MCPH1: variants seen among roughly 807,000 people sequenced by gnomAD.
MCPH1 encodes microcephalin.
Under a neutral mutation model 84.5 loss-of-function variants are expected in MCPH1, and 104 were observed. The observed-to-expected ratio is 1.23, with a 90% CI of 1.05 to 1.45. The LOEUF is 1.45. Among genes scored for constraint, MCPH1 ranks in the 40% most tolerant of loss-of-function variants. MCPH1 has a pLI of 0.00. For missense variants in MCPH1, 1,498 were observed against 1,005.7 expected, an observed-to-expected ratio of 1.49 and a Z score of -6.62; for synonymous variants, 514 against 366.8, an observed-to-expected ratio of 1.40 and a Z score of -4.58.
At chr8:6,535,666 T>A (rs1397729356) in intron 12 of MCPH1, among the ~76,000 whole-genome samples, 1 of 152,234 alleles carries the variant, frequency 6.6e-6, no homozygotes, top group African/African-American at 2.4e-5. Flanking sequence ...TGTGTGATAC[T>A]GACTGCATTG....
chr8:6,631,763 T>C (rs1276202650), intron 13 of MCPH1, among the ~76,000 whole-genome samples: 2 of 152,000 alleles, frequency 1.3e-5, no homozygotes, highest in African/African-American at 2.4e-5. Flanking sequence ...GTAGCCACGA[T>C]AGAAAACAGT....
chr8:6,411,851 A>G (rs992265645), intron 2 of MCPH1, among the ~76,000 whole-genome samples: 1 of 152,166 alleles, frequency 6.6e-6, no homozygotes, highest in Non-Finnish European at 1.5e-5. Context: ...ATGTCTTAGA[A>G]CTTAACCCCC....
intron 3 of MCPH1, among the ~76,000 whole-genome samples, chr8:6,422,009 C>A (rs1800276670): frequency 6.6e-6 from 1 of 152,244 alleles, no homozygotes; most frequent in African/African-American, 2.4e-5. Flanking sequence ...AGAAGAGCTT[C>A]CTCTGTCCCC....
intron 12 of MCPH1, among the ~76,000 whole-genome samples, chr8:6,546,958 G>C (rs1391141428): frequency 6.6e-6 from 1 of 152,190 alleles, no homozygotes; most frequent in African/African-American, 2.4e-5. Flanking sequence ...TTGCAAGCTG[G>C]CTGGTTAGTC....
intron 12 of MCPH1, among the ~76,000 whole-genome samples, chr8:6,523,118 C>G (rs1817674909): frequency 6.6e-6 from 1 of 152,042 alleles, no homozygotes; most frequent in Admixed American, 6.5e-5. Flanking sequence ...CTGCCTCAGT[C>G]TCCCGAGTAG....
intron 12 of MCPH1, among the ~76,000 whole-genome samples, chr8:6,505,262 T>A (rs1165906503): frequency 0.018 from 421 of 23,306 alleles, 78 homozygotes; most frequent in African/African-American, 0.05. Context: ...TATATATGTT[T>A]TATATATATG....
intron 12 of MCPH1, among the ~76,000 whole-genome samples, chr8:6,600,735 G>C (rs1265504489): frequency 6.6e-6 from 1 of 152,218 alleles, no homozygotes; most frequent in African/African-American, 2.4e-5. Context: ...ACCTCTGTGA[G>C]GGTTGTGGCA....
intron 12 of MCPH1, among the ~76,000 whole-genome samples, chr8:6,547,220 T>C (rs2442593): frequency 0.99 from 151,241 of 152,122 alleles, 75,189 homozygotes; most frequent in Middle Eastern, 1. Flanking sequence ...TACAGAAAAG[T>C]CAAATTTACT....
intron 9 of MCPH1, among the ~76,000 whole-genome samples, chr8:6,472,508 C>T (rs555068716): frequency 6.6e-6 from 1 of 152,104 alleles, no homozygotes; most frequent in Non-Finnish European, 1.5e-5. Context: ...CTCTGTCGCC[C>T]AGGCTGGAGT....
chr8:6,481,221 T>C (rs150028395), intron 11 of MCPH1, among the ~76,000 whole-genome samples: 1 of 152,302 alleles, frequency 6.6e-6, no homozygotes, highest in African/African-American at 2.4e-5. Context: ...CAAGAAACAT[T>C]GTGAGCTGTG....
chr8:6,568,040 G>C (rs548875899), intron 12 of MCPH1, among the ~76,000 whole-genome samples: 37 of 152,290 alleles, frequency 2.4e-4, no homozygotes, highest in Non-Finnish European at 4.3e-4. Flanking sequence ...TGTGTTCTCT[G>C]TGGAACTGTC....
chr8:6,643,292 T>G lies in MCPH1; in HGVS notation c.*243T>G. The G allele has an allele frequency of 2.0e-6, 1 of 507,664 alleles. No individual in the cohort carries two copies. Among genetic ancestry groups the G allele is most frequent in the Non-Finnish European group, 3.5e-6 (1 of 283,360 alleles). 31.4% of individuals were successfully genotyped at this position (507,664 alleles called of 1,614,324 possible). A position where few individuals can be genotyped will look rare whatever the true frequency, so the allele number is the denominator to read the frequency against. On this transcript the variant is annotated 3_prime_UTR_variant, in exon 14 of 14. Transcript: ENST00000344683. ...TTATTTTTTATTTTTTGAGACGGAG[T>G]CCTGCCCTGTTTCCCAGGCTGGAGT...
intron 3 of MCPH1, among the ~76,000 whole-genome samples, chr8:6,420,830 C>G (rs1423070316): frequency 6.6e-6 from 1 of 152,150 alleles, no homozygotes; most frequent in Non-Finnish European, 1.5e-5. Context: ...TTTGCAGCAA[C>G]TTCAGTTCTT....
At chr8:6,510,913 G>A (rs928864396) in intron 12 of MCPH1, among the ~76,000 whole-genome samples, 26 of 152,176 alleles carry the variant, frequency 1.7e-4, no homozygotes, top group African/African-American at 4.1e-4. Context: ...GAGACTGGCC[G>A]TAGCTCAGTC....
intron 8 of MCPH1, among the ~76,000 whole-genome samples, chr8:6,454,115 C>G (rs944758416): frequency 6.6e-6 from 1 of 152,142 alleles, no homozygotes; most frequent in African/African-American, 2.4e-5. Flanking sequence ...GCAAAGAAGT[C>G]TTTCTCATGT....
chr8:6,489,545 A>T (rs1810331700), intron 11 of MCPH1, among the ~76,000 whole-genome samples: 1 of 152,222 alleles, frequency 6.6e-6, no homozygotes, highest in African/African-American at 2.4e-5. Flanking sequence ...AAGACAGTTG[A>T]AGAGTCAATG....
At chr8:6,462,312 G>C (rs1241475790) in intron 9 of MCPH1, among the ~76,000 whole-genome samples, 2 of 152,198 alleles carry the variant, frequency 1.3e-5, no homozygotes. Context: ...TAAGGACATA[G>C]TCTATATCCT....
intron 11 of MCPH1, among the ~76,000 whole-genome samples, chr8:6,484,552 C>T (rs1307177065): frequency 6.6e-6 from 1 of 152,216 alleles, no homozygotes; most frequent in African/African-American, 2.4e-5. Flanking sequence ...AGCTTGTGTT[C>T]ACACAGAGTC....
intron 3 of MCPH1, among the ~76,000 whole-genome samples, chr8:6,419,518 G>A (rs938040212): frequency 4.7e-5 from 7 of 150,414 alleles, no homozygotes; most frequent in East Asian, 2.0e-4. Flanking sequence ...TCAGCCTCCC[G>A]AGTAGCTGGG....
Sources: gnomAD v4.1 joint callset for allele counts (sites outside exome capture counted in the v4.1 genomes callset) on GRCh38, gnomAD v4.1.1 for gene constraint, MANE v1.5 for transcripts, NCBI Gene and HGNC (gene_info 2026-07-23, HGNC 2026-07-21) for gene names.